FASN: variants seen among roughly 807,000 people sequenced by gnomAD.
The protein encoded by FASN is 3-hydroxyacyl-[acyl-carrier-protein] dehydratase.
A neutral mutation model predicts 250.0 loss-of-function variants in FASN; 50 were observed. The ratio of observed to expected loss-of-function variants is 0.20; its 90% CI spans 0.16 to 0.25. The LOEUF is 0.25. Among genes scored for constraint, FASN ranks in the 10% least tolerant of loss-of-function variants. The probability of loss-of-function intolerance (pLI) is 1.00; values close to 1 mark genes in which losing one functional copy is unlikely to be tolerated. For missense variants in FASN, 3,031 were observed against 3,498.5 expected (o/e 0.87, Z 3.37); for synonymous variants, 1,909 against 1,584.0 (o/e 1.21, Z -4.87).
chr17:82,096,791 GTC>G (rs919582037), intron 1 of FASN: 16 of 376,898 alleles, frequency 4.2e-5, no homozygotes, highest in Non-Finnish European at 7.7e-5. Flanking sequence ...ACTCGCCTGA[GTC>G]TCAGCCTTCC....
rs879120964 is a variant in FASN at position 82,079,557 on chromosome 17, C to T, written c.7198G>A (p.Ala2400Thr). 9 of 1,606,922 alleles carry T rather than the reference C, an allele frequency of 5.6e-6. No individual in the cohort carries two copies. Among genetic ancestry groups the T allele is most frequent in the Middle Eastern group, 1.7e-4 (1 of 6,060 alleles). The change falls in exon 42 of 43, where the codon GCC becomes ACC. Residue 2400 changes from alanine to threonine, a missense_variant. Transcript: ENST00000306749. ...TGGCTCTTGATGATCAGGTCCACGG[C>T]GGCTGCCACACGCTCCTCTAGGCCC... Reference protein sequence around the residue: ...LKGLEERVAAAVDLIIKSHQG... With the variant: ...LKGLEERVAATVDLIIKSHQG...
In FASN at chr17:82,091,490, C is replaced by A. The variant is rs143838160; in HGVS notation, c.1224G>T (p.Thr408=). 2 of 1,604,716 alleles carry A rather than the reference C, an allele frequency of 1.2e-6. No homozygotes were observed. Among genetic ancestry groups the A allele is most frequent in the Non-Finnish European group, 1.7e-6 (2 of 1,176,496 alleles). Residue 408 remains threonine, a synonymous_variant, in exon 9 of 43, where the codon ACG becomes ACT. Transcript: ENST00000306749. ...GTGGGGCGGGTGCGGGGGGCGGCTG[C>A]GTGTTGGGCCTCAGGATGATGTGCA... ...SNVHIILRPN[T]QPPPAPAPHA...
chr17:82,095,435 C>A lies in FASN; in HGVS notation c.165G>T (p.Lys55Asn). The change falls in exon 3 of 43, where the codon AAG becomes AAT. Residue 55 changes from lysine to asparagine, a missense_variant. Lys to Asn is a moderately conservative substitution (Grantham distance 94). Coordinates refer to ENST00000306749, the MANE Select transcript of FASN (RefSeq NM_004104.5). ...AGGAGGCATCAAACCTAGACAGGTC[C>A]TTCAGCTTGCCGGACCGCCGGGGCA... ...YGLPRRSGKL[K>N]DLSRFDASFF... is the part of the protein sequence containing the mutation. The A allele has an allele frequency of 1.2e-6, 2 of 1,612,922 alleles. No homozygotes were observed. Among genetic ancestry groups the A allele is most frequent in the Non-Finnish European group, 1.7e-6 (2 of 1,180,016 alleles).
Position 82,080,185 on chromosome 17 carries a change from G to A in FASN, c.7101C>T (p.Ala2367=), listed in dbSNP as rs376852008. ...TGAACTGCTGCACGAAGAAGCATAT[G>A]GCCTCCGTCTCAGCCTCAGCCTCAC... ...PGCEAEAETE[A]ICFFVQQFTD... Residue 2367 remains alanine (A), a synonymous_variant, in exon 41 of 43, where the codon GCC becomes GCT. Transcript: ENST00000306749. 1.2e-6 allele frequency: 2 copies of A among 1,613,138 alleles called. No individual in the cohort carries two copies. Among genetic ancestry groups the A allele is most frequent in the Non-Finnish European group, 1.7e-6 (2 of 1,180,022 alleles).
intron 10 of FASN, 61 bp from the exon 11 acceptor site, chr17:82,090,625 C>T (rs985795436): frequency 9.7e-6 from 14 of 1,450,076 alleles, no homozygotes; most frequent in African/African-American, 1.4e-5. Context: ...TTGGGGGCGG[C>T]CCCCGGCCCC....
chr17:82,083,137 C>G (rs368314357), intron 32 of FASN, 22 bp from the exon 33 acceptor site: 6 of 1,610,282 alleles, frequency 3.7e-6, no homozygotes, highest in Non-Finnish European at 5.1e-6. Flanking sequence ...CAGCACCCAC[C>G]GGCTCAGGCA....
Position 82,086,562 on chromosome 17 carries a change from G to A in FASN, c.3428-4C>T, listed in dbSNP as rs2144792568. On this transcript the variant is annotated splice_polypyrimidine_tract_variant and splice_region_variant and intron_variant, in intron 21 of 42. Coordinates refer to ENST00000306749, the MANE Select transcript of FASN (RefSeq NM_004104.5). ...GTCTGCAGTGCCTGCACCAGCCCTG[G>A]GGAGGGAGGGAGGCAGGCCTGGTGT... The A allele has an allele frequency of 1.2e-6, 2 of 1,603,396 alleles. No individual in the cohort carries two copies. The highest frequency in any genetic ancestry group is 1.7e-6 in the Non-Finnish European group (2 of 1,173,748).
At chr17:82,093,547 T>C (rs1478478383) in intron 4 of FASN, 51 bp downstream of exon 4, 12 of 1,610,676 alleles carry the variant, frequency 7.5e-6, no homozygotes, top group Non-Finnish European at 9.3e-6. Flanking sequence ...CTGCTCAGCA[T>C]GTGGGGACCT....
rs967248602 is a variant in FASN at position 82,080,547 on chromosome 17, G to A, written c.6870C>T (p.Ile2290=). Residue 2290 remains isoleucine (I), a synonymous_variant, in exon 40 of 43, where the codon ATC becomes ATT. Transcript: ENST00000306749. ...CGGGCTGCACCTGCCTGATGCAGTC[G>A]ATGTAGTAGGCAGCCAGGCTGTGGA... The part of the protein sequence containing the change: ...DSIHSLAAYY[I]DCIRQVQPEG... The A allele has an allele frequency of 1.9e-6, 3 of 1,560,232 alleles. No individual in the cohort carries two copies. The highest frequency in any genetic ancestry group is 1.4e-5 in the African/African-American group (1 of 73,762).
chr17:82,078,888 CG>C lies in FASN; in HGVS notation c.*254del, dbSNP rs2033936635. ...CGCACGAGGCCCAGCCCAGTTCCTG[CG>C]GGCACGGGCACCACCGGCTCTTCAC... On this transcript the variant is annotated 3_prime_UTR_variant, in exon 43 of 43. Coordinates refer to ENST00000306749, the MANE Select transcript of FASN (RefSeq NM_004104.5). The surrounding 1 kb of genome is among the most constrained non-coding windows in gnomAD (Gnocchi z 5.4). 5 of 576,314 alleles carry C rather than the reference CG, an allele frequency of 8.7e-6. No individual in the cohort carries two copies. In the Admixed American group the frequency reaches 1.5e-4, roughly 18 times the overall value. 35.7% of individuals were successfully genotyped at this position (576,314 alleles called of 1,614,324 possible). A position where few individuals can be genotyped will look rare whatever the true frequency, so the allele number is the denominator to read the frequency against.
chr17:82,086,588 TC>T, intron 21 of FASN, 30 bp from the exon 22 acceptor site: 1 of 1,555,966 alleles, frequency 6.4e-7, no homozygotes, highest in African/African-American at 1.4e-5. Flanking sequence ...GGCCTGGTGT[TC>T]CCAAAGCCCC....
chr17:82,092,633 C>T (rs752594266), intron 7 of FASN, 44 bp from the exon 8 acceptor site: 2 of 1,600,812 alleles, frequency 1.2e-6, no homozygotes, highest in Non-Finnish European at 8.5e-7. Flanking sequence ...CAGGTCACCT[C>T]TCCAGGCATG....
At position 82,088,998 on chromosome 17, in the gene FASN, G is replaced by C. The variant is rs1287083491; in HGVS notation, c.2275C>G (p.Leu759Val). 1 of 1,609,220 alleles carries C rather than the reference G, an allele frequency of 6.2e-7. No homozygotes were observed. The highest frequency in any genetic ancestry group is 1.7e-5 in the Admixed American group (1 of 59,716). The change falls in exon 14 of 43, where the codon CTG becomes GTG. Residue 759 changes from leucine (L) to valine (V), a missense_variant. Coordinates refer to ENST00000306749, the MANE Select transcript of FASN (RefSeq NM_004104.5). ...LWHVPEHAVV[L>V]EIAPHALLQA... The stretch of plus-strand genomic sequence containing the variant: ...AGCAGGGCGTGGGGCGCGATCTCCA[G>C]CACCACCGCGTGCTCAGGCACGTGC...
Position 82,079,503 on chromosome 17 carries a change from A to C in FASN, c.7252T>G (p.Phe2418Val). The C allele has an allele frequency of 6.2e-7, 1 of 1,612,450 alleles. No individual in the cohort carries two copies. The highest frequency in any genetic ancestry group is 8.5e-7 in the Non-Finnish European group (1 of 1,179,972). Residue 2418 changes from phenylalanine (F) to valine (V), a missense_variant, in exon 42 of 43, where the codon TTT becomes GTT. Coordinates refer to ENST00000306749, the MANE Select transcript of FASN (RefSeq NM_004104.5). The stretch of plus-strand genomic sequence containing the variant: ...TTGTAGTAGAAGGACCGGGCCGCAA[A>C]GCTCAGCTCCTGGCGGTCCAGGCCC... ...HQGLDRQELS[F>V]AARSFYYKLR...
Position 82,081,836 on chromosome 17 carries a change from G to T in FASN, c.6171C>A (p.Ala2057=), listed in dbSNP as rs758465262. ...CGTCGCCGATGGCGCCCCACTGCACGGCCAGGCCTGTGGGGGAGGGGGCAG... is the reference window on the plus strand; with the variant it reads ...CGTCGCCGATGGCGCCCCACTGCACTGCCAGGCCTGTGGGGGAGGGGGCAG... ...KRRHEGLPGL[A]VQWGAIGDVG... is the part of the protein sequence containing the mutation. The change falls in exon 37 of 43, where the codon GCC becomes GCA. Residue 2057 remains alanine (A), a synonymous_variant. Coordinates refer to ENST00000306749, the MANE Select transcript of FASN (RefSeq NM_004104.5). 1.2e-6 allele frequency: 2 copies of T among 1,606,446 alleles called. No homozygotes were observed.
In FASN at chr17:82,084,660, G is replaced by A. The variant is rs745789788; in HGVS notation, c.4621C>T (p.Leu1541=). 15 of 1,589,430 alleles carry A rather than the reference G, an allele frequency of 9.4e-6. No homozygotes were observed. Among genetic ancestry groups the A allele is most frequent in the East Asian group, 2.3e-5 (1 of 43,758 alleles). The change falls in exon 27 of 43, where the codon CTG becomes TTG. Residue 1541 remains leucine (L), a synonymous_variant. Coordinates refer to ENST00000306749, the MANE Select transcript of FASN (RefSeq NM_004104.5). Reference sequence around the variant, plus strand: ...GAGCAGACCCAGCGGATGGAGGACAGGTCCCCCCGGGTGAGGGTGCTCACA... The same window carrying A: ...GAGCAGACCCAGCGGATGGAGGACAAGTCCCCCCGGGTGAGGGTGCTCACA... ...AFVSTLTRGD[L]SSIRWVCSSL...
rs113931914 is a variant in FASN, at chr17:82,091,284, C to G, written c.1430G>C (p.Arg477Pro). Residue 477 changes from arginine to proline, a missense_variant, in exon 9 of 43, where the codon CGC (arginine) becomes CCC (proline). Arg to Pro is a moderately radical substitution (Grantham distance 103). Transcript: ENST00000306749. ...FRGYAVLGGE[R>P]GGPEVQQVPA... Reference sequence around the variant, plus strand: ...CACCTGCTGCACCTCTGGGCCACCGCGCTCACCACCCAGCACAGCGTAGCC... The same window carrying G: ...CACCTGCTGCACCTCTGGGCCACCGGGCTCACCACCCAGCACAGCGTAGCC... The G allele has an allele frequency of 1.4e-5, 22 of 1,607,678 alleles. No homozygotes were observed. Among genetic ancestry groups the G allele is most frequent in the Non-Finnish European group, 1.3e-5 (15 of 1,177,890 alleles).
chr17:82,084,950 A>G lies in FASN; in HGVS notation c.4413T>C (p.Cys1471=). 6.4e-7 allele frequency: 1 copy of G among 1,560,164 alleles called. No individual in the cohort carries two copies. Among genetic ancestry groups the G allele is most frequent in the East Asian group, 2.4e-5 (1 of 41,708 alleles). The change falls in exon 26 of 43, where the codon TGT becomes TGC. Residue 1471 remains cysteine (C), a synonymous_variant. Coordinates refer to ENST00000306749, the MANE Select transcript of FASN (RefSeq NM_004104.5). ...RREPGGNRLR[C]VLLSNLSSTS... ...TGCTGCTGAGGTTGGAGAGCAGCAC[A>G]CACCTGGGGGCAGAGGCGGGGAGCT...
At chr17:82,093,448 G>C in intron 4 of FASN, 29 bp from the exon 5 acceptor site, 1 of 1,589,234 alleles carries the variant, frequency 6.3e-7, no homozygotes, top group South Asian at 1.1e-5. Flanking sequence ...CGGCTCAGGT[G>C]GGGCTGTGAG....
Sources: gnomAD v4.1 joint callset for allele counts on GRCh38, gnomAD v4.1.1 for gene constraint, Gnocchi (gnomAD v3.1) non-coding constraint, MANE v1.5 for transcripts, NCBI Gene and HGNC (gene_info 2026-07-23, HGNC 2026-07-21) for gene names.